SDK2: variants seen among roughly 807,000 people sequenced by gnomAD.
The protein encoded by SDK2 is protein sidekick-2.
Under a neutral mutation model 253.9 loss-of-function variants are expected in SDK2, and 105 were observed. The observed-to-expected ratio is 0.41, with a 90% CI of 0.35 to 0.49. The LOEUF (loss-of-function observed/expected upper bound fraction) is 0.49. Ranked by LOEUF, SDK2 falls within the 20% of genes least tolerant of loss-of-function variation. The pLI, the probability that SDK2 is intolerant of heterozygous loss-of-function variation, is 0.06. For synonymous variants in SDK2, 1,249 were observed against 1,234.9 expected, an observed-to-expected ratio of 1.01 and a Z score of -0.24; for missense variants, 2,608 against 3,003.0, an observed-to-expected ratio of 0.87 and a Z score of 3.07.
intron 3 of SDK2, among the ~76,000 whole-genome samples, chr17:73,461,613 C>T (rs1024026528): frequency 6.6e-6 from 1 of 151,856 alleles, no homozygotes; most frequent in Non-Finnish European, 1.5e-5. Context: ...TGGATTTGTT[C>T]AGTGGATGGA....
intron 1 of SDK2, among the ~76,000 whole-genome samples, chr17:73,522,193 G>A (rs1300080778): frequency 6.6e-6 from 1 of 152,274 alleles, no homozygotes; most frequent in Non-Finnish European, 1.5e-5. Flanking sequence ...GCCCCGGAGA[G>A]AGAAGGCAGG....
intron 37 of SDK2, among the ~76,000 whole-genome samples, chr17:73,366,561 A>G (rs2062687126): frequency 6.6e-6 from 1 of 152,220 alleles, no homozygotes; most frequent in Non-Finnish European, 1.5e-5. Flanking sequence ...CAAGATGCTC[A>G]AGGGAGGCCG....
intron 1 of SDK2, among the ~76,000 whole-genome samples, chr17:73,627,699 G>T (rs1239915875): frequency 1.3e-5 from 2 of 152,206 alleles, no homozygotes; most frequent in Non-Finnish European, 2.9e-5. Flanking sequence ...TTCCCAAATC[G>T]TACATCAGAC....
chr17:73,386,571 A>T, intron 30 of SDK2, 23 bp from the exon 31 acceptor site: 1 of 1,506,946 alleles, frequency 6.6e-7, no homozygotes, highest in Non-Finnish European at 9.0e-7. Context: ...ATCAGGGCCA[A>T]TGAGCCAAGG....
At chr17:73,515,780 T>C (rs994710152) in intron 1 of SDK2, among the ~76,000 whole-genome samples, 1 of 152,156 alleles carries the variant, frequency 6.6e-6, no homozygotes, top group African/African-American at 2.4e-5. Flanking sequence ...ATAAATTGGG[T>C]TTACATCCCA....
intron 2 of SDK2, among the ~76,000 whole-genome samples, chr17:73,488,055 G>T (rs58063117): frequency 0.031 from 4,623 of 151,080 alleles, 215 homozygotes; most frequent in African/African-American, 0.11. Context: ...TTGCTCTGTC[G>T]CCCAGGCTGG....
At chr17:73,407,615 A>G (rs1021654) in intron 18 of SDK2, among the ~76,000 whole-genome samples, 150,286 of 152,220 alleles carry the variant, frequency 0.99, 74,217 homozygotes, top group East Asian at 1. Context: ...AAATAGAGAT[A>G]GCGGGGGCGG....
In SDK2 at chr17:73,361,333, C is replaced by T. The variant is rs1225680447; in HGVS notation, c.5467+351G>A. 6.6e-6 allele frequency among the ~76,000 whole-genome samples: 1 copy of T among 152,180 alleles called. No individual in the cohort carries two copies. Among genetic ancestry groups the T allele is most frequent in the Non-Finnish European group, 1.5e-5 (1 of 68,026 alleles). Reference sequence around the variant, plus strand: ...CTGGGCGAAAGGCAGGGGCACCTGCCAGGCTGCATCCTTCCAGGACGGAAG... The same window carrying T: ...CTGGGCGAAAGGCAGGGGCACCTGCTAGGCTGCATCCTTCCAGGACGGAAG... On this transcript the variant is annotated intron_variant, in intron 39 of 44. Transcript: ENST00000392650. The surrounding 1 kb of genome is among the most constrained non-coding windows in gnomAD (Gnocchi z 4.1).
chr17:73,508,243 C>G (rs1173641544), intron 1 of SDK2, among the ~76,000 whole-genome samples: 1 of 152,276 alleles, frequency 6.6e-6, no homozygotes, highest in Non-Finnish European at 1.5e-5. Flanking sequence ...CTGCTTCCCC[C>G]TCTCTGCAGT....
chr17:73,435,617 T>C lies in SDK2; in HGVS notation c.1028A>G (p.Tyr343Cys), dbSNP rs2063361945. 3 of 1,572,526 alleles carry C rather than the reference T, an allele frequency of 1.9e-6. No homozygotes were observed. The highest frequency in any genetic ancestry group is 2.6e-6 in the Non-Finnish European group (3 of 1,158,602). Residue 343 changes from tyrosine to cysteine, a missense_variant, in exon 9 of 45, where the codon TAC becomes TGC. Tyr to Cys is a radical substitution (Grantham distance 194). Transcript: ENST00000392650. This position sits in a 1 kb window ranked among gnomAD's most constrained non-coding sequence, Gnocchi z 5.7. ...CACCTCCACCACGGCTGCGTCCTTG[T>C]ACCAGGTGATGGAGGGCGGCGGCAC... Reference protein sequence around the residue: ...KGVPPPSITWYKDAAVVEVEK... With the variant: ...KGVPPPSITWCKDAAVVEVEK...
At chr17:73,454,828 T>C (rs1229959767) in intron 4 of SDK2, among the ~76,000 whole-genome samples, 1 of 152,086 alleles carries the variant, frequency 6.6e-6, no homozygotes, top group Non-Finnish European at 1.5e-5. Context: ...CTCAGCCTCC[T>C]GAGTAGCTGG....
At chr17:73,571,096 G>C (rs999684392) in intron 1 of SDK2, among the ~76,000 whole-genome samples, 6 of 151,052 alleles carry the variant, frequency 4.0e-5, no homozygotes, top group African/African-American at 1.5e-4. Flanking sequence ...ATGGAGTCTT[G>C]ATCTGTCACT....
chr17:73,350,611 C>G (rs1995163), intron 42 of SDK2, 39 bp downstream of exon 42: 1,551,887 of 1,589,524 alleles, frequency 0.98, 762,377 homozygotes, highest in Non-Finnish European at 1. Context: ...ATACATAAAA[C>G]TCAAGTCCAG....
chr17:73,473,660 C>T (rs923964884), intron 2 of SDK2, among the ~76,000 whole-genome samples: 1 of 152,194 alleles, frequency 6.6e-6, no homozygotes, highest in African/African-American at 2.4e-5. Flanking sequence ...CCACCCCTTC[C>T]GGAGCACCAT....
At chr17:73,470,458 C>T (rs1459426911) in intron 3 of SDK2, among the ~76,000 whole-genome samples, 4 of 152,218 alleles carry the variant, frequency 2.6e-5, no homozygotes, top group African/African-American at 7.2e-5. Flanking sequence ...TATGCAGTCT[C>T]TCTAGAGGCC....
At chr17:73,614,139 A>T (rs1232433672) in intron 1 of SDK2, among the ~76,000 whole-genome samples, 1 of 146,388 alleles carries the variant, frequency 6.8e-6, no homozygotes, top group African/African-American at 2.6e-5. Context: ...TGTACTTCAT[A>T]CTCAGCTGCT....
chr17:73,545,463 GA>G (rs2044947664), intron 1 of SDK2, among the ~76,000 whole-genome samples: 1 of 152,150 alleles, frequency 6.6e-6, no homozygotes, highest in Admixed American at 6.5e-5. Context: ...GGTTAGAGAT[GA>G]GGGGGTTGAG....
At chr17:73,369,658 C>T (rs2062718189) in intron 36 of SDK2, among the ~76,000 whole-genome samples, 1 of 152,198 alleles carries the variant, frequency 6.6e-6, no homozygotes. Context: ...CTGGTGTTTT[C>T]TCTTCCTTTC....
intron 12 of SDK2, among the ~76,000 whole-genome samples, chr17:73,428,621 C>A (rs530204997): frequency 1.5e-3 from 221 of 152,304 alleles, no homozygotes; most frequent in Non-Finnish European, 2.8e-3. Flanking sequence ...GGGAACCCTG[C>A]TGTGTTTTGC....
Sources: gnomAD v4.1 joint callset for allele counts (sites outside exome capture counted in the v4.1 genomes callset) on GRCh38, gnomAD v4.1.1 for gene constraint, Gnocchi (gnomAD v3.1) non-coding constraint, MANE v1.5 for transcripts, NCBI Gene and HGNC (gene_info 2026-07-23, HGNC 2026-07-21) for gene names.